GNB1L: variants seen among roughly 807,000 people sequenced by gnomAD.
GNB1L encodes guanine nucleotide-binding protein subunit beta-like protein 1.
A neutral mutation model predicts 29.1 loss-of-function variants in GNB1L; 20 were observed. That is an observed-to-expected ratio of 0.69 (90% CI 0.48 to 1.00). GNB1L has a LOEUF of 1.00. Among genes scored for constraint, GNB1L ranks in the 50% least tolerant of loss-of-function variants. The pLI is 0.00. For missense variants in GNB1L, 421 were observed against 464.9 expected, an observed-to-expected ratio of 0.91 and a Z score of 0.87; for synonymous variants, 193 against 206.5, an observed-to-expected ratio of 0.93 and a Z score of 0.56.
At chr22:19,826,228 C>A (rs1262834264) in intron 2 of GNB1L, among the ~76,000 whole-genome samples, 1 of 152,166 alleles carries the variant, frequency 6.6e-6, no homozygotes, top group East Asian at 1.9e-4. Flanking sequence ...GCTGAGCCAG[C>A]ACTAAACCTA....
chr22:19,850,401 T>C (rs1938066333), intron 2 of GNB1L: 1 of 990,032 alleles, frequency 1.0e-6, no homozygotes, highest in Admixed American at 6.1e-5. Flanking sequence ...GAGTGCGGAG[T>C]GAGCAGGGGA....
At chr22:19,853,002 C>T (rs1836540725) in intron 2 of GNB1L, among the ~76,000 whole-genome samples, 1 of 152,208 alleles carries the variant, frequency 6.6e-6, no homozygotes, top group Non-Finnish European at 1.5e-5. Flanking sequence ...AACGCACAGA[C>T]CGCGTCGTCA....
chr22:19,835,821 C>T (rs1205053688), intron 2 of GNB1L, among the ~76,000 whole-genome samples: 2 of 152,094 alleles, frequency 1.3e-5, no homozygotes, highest in Non-Finnish European at 2.9e-5. Flanking sequence ...TCAATGGGTT[C>T]AAGAGGAAGT....
At chr22:19,828,577 T>C (rs1937639433) in intron 2 of GNB1L, among the ~76,000 whole-genome samples, 1 of 151,902 alleles carries the variant, frequency 6.6e-6, no homozygotes, top group Admixed American at 6.6e-5. Context: ...GCCCAGGAGT[T>C]TGAGGCTGCA....
Position 19,824,412 on chromosome 22 carries a change from C to T in GNB1L, c.-20-3037G>A, listed in dbSNP as rs369704008. 3.9e-5 allele frequency among the ~76,000 whole-genome samples: 6 copies of T among 152,312 alleles called. No individual in the cohort carries two copies. The South Asian group carries it at 1.0e-3, about 26-fold the overall frequency. On this transcript the variant is annotated intron_variant, in intron 2 of 7. Transcript: ENST00000329517. ...CGGCCCAGCCCCGGCCCTGTCCTCC[C>T]GGAGGCAAAGGAACAGGAAACTTAA...
At position 19,788,600 on chromosome 22, in the gene GNB1L, G is replaced by T; in HGVS notation, c.*109C>A. 7.4e-7 allele frequency: 1 copy of T among 1,352,356 alleles called. No individual in the cohort carries two copies. Among genetic ancestry groups the T allele is most frequent in the Non-Finnish European group, 1.1e-6 (1 of 941,908 alleles). 83.8% of individuals were successfully genotyped at this position (1,352,356 alleles called of 1,614,324 possible). ...ACAGCGGGGACTCCATGGTCCTTGG[G>T]CCATGACTTGCTGGTCCTCAGAGGC... On this transcript the variant is annotated 3_prime_UTR_variant, in exon 8 of 8. Coordinates refer to ENST00000329517, the MANE Select transcript of GNB1L (RefSeq NM_053004.3).
At chr22:19,792,714 A>G (rs2145860706) in intron 7 of GNB1L, 1 of 1,492,164 alleles carries the variant, frequency 6.7e-7, no homozygotes, top group South Asian at 1.2e-5. Context: ...AGCAGGAGTT[A>G]ACATCGTCAC....
intron 2 of GNB1L, chr22:19,851,212 C>T: frequency 6.3e-7 from 1 of 1,595,830 alleles, no homozygotes; most frequent in Non-Finnish European, 8.5e-7. Context: ...TCTCCGGGGC[C>T]TCCACCACCT....
At chr22:19,807,718 A>C (rs1937452538) in intron 5 of GNB1L, among the ~76,000 whole-genome samples, 2 of 152,222 alleles carry the variant, frequency 1.3e-5, no homozygotes, top group South Asian at 4.1e-4. Flanking sequence ...CTGAGTAGGC[A>C]GAACTCATAC....
chr22:19,790,153 T>C (rs1276332464), intron 7 of GNB1L, among the ~76,000 whole-genome samples: 1 of 152,204 alleles, frequency 6.6e-6, no homozygotes, highest in Non-Finnish European at 1.5e-5. Context: ...GAAGATTAAC[T>C]CCAGTCTCGT....
intron 2 of GNB1L, chr22:19,852,086 C>T (rs1212678688): frequency 4.3e-6 from 7 of 1,614,114 alleles, no homozygotes; most frequent in South Asian, 1.1e-5. Flanking sequence ...CATGGTCGTT[C>T]GCACACACAC....
At chr22:19,847,588 C>G (rs866641659) in intron 2 of GNB1L, 14 of 984,588 alleles carry the variant, frequency 1.4e-5, no homozygotes, top group Admixed American at 1.2e-4. Context: ...ACCTCCAGTC[C>G]CTGCTCTAAA....
At chr22:19,835,652 C>T (rs533814936) in intron 2 of GNB1L, among the ~76,000 whole-genome samples, 26 of 151,056 alleles carry the variant, frequency 1.7e-4, no homozygotes, top group African/African-American at 6.3e-4. Context: ...CCAGCCTGGG[C>T]GACAGAGCGA....
chr22:19,824,348 G>A (rs1220740144), intron 2 of GNB1L, among the ~76,000 whole-genome samples: 1 of 152,170 alleles, frequency 6.6e-6, no homozygotes, highest in African/African-American at 2.4e-5. Context: ...CCGCCCTTGC[G>A]CAAGGCCCGT....
At chr22:19,846,634 C>T (rs1225989761) in intron 2 of GNB1L, 5 of 843,740 alleles carry the variant, frequency 5.9e-6, no homozygotes, top group East Asian at 1.2e-4. Context: ...CTAGTACTTA[C>T]ATTTGAAGAC....
chr22:19,810,462 G>A (rs548095243), intron 5 of GNB1L, among the ~76,000 whole-genome samples: 63 of 152,272 alleles, frequency 4.1e-4, no homozygotes, highest in African/African-American at 1.5e-3. Flanking sequence ...GGGAGCGGGG[G>A]TGGCGGCGCC....
Position 19,788,400 on chromosome 22 carries a change from C to G in GNB1L, c.*309G>C. The G allele has an allele frequency of 1.7e-6, 1 of 591,282 alleles. No homozygotes were observed. 36.6% of individuals were successfully genotyped at this position (591,282 alleles called of 1,614,324 possible). ...CCAGGGCCTCCTCAGGGAGCTCCCA[C>G]CTCAAGCCTGCAACTTGGCAATGGA... On this transcript the variant is annotated 3_prime_UTR_variant, in exon 8 of 8. Transcript: ENST00000329517.
intron 5 of GNB1L, among the ~76,000 whole-genome samples, chr22:19,808,550 G>A (rs1031737911): frequency 1.3e-5 from 2 of 152,280 alleles, no homozygotes; most frequent in African/African-American, 2.4e-5. Context: ...GATTCCTTGC[G>A]GAAAAACCGC....
chr22:19,812,962 T>A (rs912092734), intron 4 of GNB1L, among the ~76,000 whole-genome samples: 1 of 152,052 alleles, frequency 6.6e-6, no homozygotes, highest in Non-Finnish European at 1.5e-5. Context: ...GGGGTGCAGG[T>A]TACAGTTCTG....
Sources: gnomAD v4.1 joint callset for allele counts (sites outside exome capture counted in the v4.1 genomes callset) on GRCh38, gnomAD v4.1.1 for gene constraint, MANE v1.5 for transcripts, NCBI Gene and HGNC (gene_info 2026-07-23, HGNC 2026-07-21) for gene names.